The following SOCS5 variants were observed in gnomAD, a reference collection of about 807,000 sequenced individuals.
SOCS5 encodes CIS-6.
In SOCS5, 32 loss-of-function variants were observed where a neutral mutation model predicts 42.8. That is an observed-to-expected ratio of 0.75 (90% CI 0.56 to 1.01). The LOEUF is 1.01. Among genes scored for constraint, SOCS5 ranks in the 50% least tolerant of loss-of-function variants. The probability of loss-of-function intolerance (pLI) is 0.00; values close to 1 mark genes in which losing one functional copy is unlikely to be tolerated. For synonymous variants in SOCS5, 283 were observed against 229.6 expected (o/e 1.23, Z -2.10); for missense variants, 627 against 653.0 (o/e 0.96, Z 0.43).
chr2:46,741,151 A>G (rs1310889121), intron 1 of SOCS5, among the ~76,000 whole-genome samples: 1 of 152,182 alleles, frequency 6.6e-6, no homozygotes, highest in African/African-American at 2.4e-5. Context: ...AGTTTTTAAA[A>G]TATTTCATTA....
intron 1 of SOCS5, among the ~76,000 whole-genome samples, chr2:46,711,736 AT>A (rs1189387226): frequency 7.2e-5 from 11 of 152,122 alleles, no homozygotes; most frequent in Non-Finnish European, 1.2e-4. Flanking sequence ...CAGATGCTTT[AT>A]GGTGATAATT....
intron 1 of SOCS5, among the ~76,000 whole-genome samples, chr2:46,723,117 C>T (rs751725658): frequency 1.3e-5 from 2 of 152,084 alleles, no homozygotes; most frequent in Non-Finnish European, 1.5e-5. Context: ...GCTTTTCATA[C>T]TCTTCACATT....
intron 1 of SOCS5, among the ~76,000 whole-genome samples, chr2:46,720,896 C>T (rs7566758): frequency 0.047 from 7,183 of 152,200 alleles, 612 homozygotes; most frequent in African/African-American, 0.16. Context: ...TTCTTTCACA[C>T]GGTTCTGAGA....
Position 46,758,514 on chromosome 2 carries a change from T to G in SOCS5, c.-12-5T>G. The G allele has an allele frequency of 1.9e-6, 3 of 1,564,604 alleles. No individual in the cohort carries two copies. The highest frequency in any genetic ancestry group is 2.6e-6 in the Non-Finnish European group (3 of 1,156,316). ...ATTTTTCTCTTTTTGCTGTTTTGTC[T>G]TTAGATTTTATAATCAATGGATAAA... is the stretch of plus-strand genomic sequence containing the variant. On this transcript the variant is annotated splice_polypyrimidine_tract_variant and splice_region_variant and intron_variant, in intron 1 of 1. Coordinates refer to ENST00000394861, the MANE Select transcript of SOCS5 (RefSeq NM_144949.3).
intron 1 of SOCS5, among the ~76,000 whole-genome samples, chr2:46,731,647 C>T (rs1168856765): frequency 1.3e-5 from 2 of 152,154 alleles, no homozygotes; most frequent in Non-Finnish European, 2.9e-5. Flanking sequence ...GTTGTTGGTA[C>T]ATATACCACA....
chr2:46,750,833 T>C (rs561441984), intron 1 of SOCS5, among the ~76,000 whole-genome samples: 1 of 152,288 alleles, frequency 6.6e-6, no homozygotes, highest in East Asian at 1.9e-4. Flanking sequence ...CTTTTGAGTA[T>C]GCATGTGCTA....
intron 1 of SOCS5, among the ~76,000 whole-genome samples, chr2:46,736,281 G>A (rs1039122864): frequency 2.0e-5 from 3 of 152,056 alleles, no homozygotes; most frequent in Non-Finnish European, 4.4e-5. Context: ...GGGCCCAAGC[G>A]ATCCTCCTGC....
intron 1 of SOCS5, among the ~76,000 whole-genome samples, chr2:46,757,494 C>G (rs1369499041): frequency 6.6e-6 from 1 of 152,082 alleles, no homozygotes; most frequent in Non-Finnish European, 1.5e-5. Flanking sequence ...TTTGCGAGTA[C>G]TACAGTATCA....
intron 1 of SOCS5, among the ~76,000 whole-genome samples, chr2:46,723,869 C>G (rs1037395186): frequency 6.6e-6 from 1 of 152,024 alleles, no homozygotes; most frequent in Non-Finnish European, 1.5e-5. Context: ...GAATTGACAT[C>G]TTTACTGTGT....
chr2:46,746,777 T>G (rs1308829916), intron 1 of SOCS5, among the ~76,000 whole-genome samples: 1 of 152,064 alleles, frequency 6.6e-6, no homozygotes. Flanking sequence ...CTTTGTGTGT[T>G]GATCTTGTAT....
chr2:46,735,333 A>G (rs1462208813), intron 1 of SOCS5, among the ~76,000 whole-genome samples: 1 of 152,198 alleles, frequency 6.6e-6, no homozygotes, highest in East Asian at 1.9e-4. Context: ...GACAAAGGGC[A>G]TACACCAGCT....
rs547340009 is a variant in SOCS5 at position 46,699,691 on chromosome 2, T to G, written c.-13+242T>G. Among the ~76,000 whole-genome samples, 2 of 152,128 alleles carry G rather than the reference T, an allele frequency of 1.3e-5. No homozygotes were observed. The highest frequency in any genetic ancestry group is 2.9e-5 in the Non-Finnish European group (2 of 68,018). On this transcript the variant is annotated intron_variant, in intron 1 of 1. Transcript: ENST00000394861. This position sits in a 1 kb window ranked among gnomAD's most constrained non-coding sequence, Gnocchi z 4.8. ...CGCCGCTCACAGTGGGAGCTTGCGCTTAGTAGGCTCTCGATGCATTTCTGT... is the reference window on the plus strand; with the variant it reads ...CGCCGCTCACAGTGGGAGCTTGCGCGTAGTAGGCTCTCGATGCATTTCTGT...
At chr2:46,707,935 C>A (rs1305008875) in intron 1 of SOCS5, among the ~76,000 whole-genome samples, 1 of 152,174 alleles carries the variant, frequency 6.6e-6, no homozygotes, top group Non-Finnish European at 1.5e-5. Context: ...TGGGCAAAAT[C>A]ATCTAACACG....
chr2:46,709,127 GC>G (rs1281902998), intron 1 of SOCS5, among the ~76,000 whole-genome samples: 1 of 152,008 alleles, frequency 6.6e-6, no homozygotes, highest in Non-Finnish European at 1.5e-5. Context: ...CTCGCGATCC[GC>G]CCGCCTTGGC....
At chr2:46,756,803 TG>T (rs1025747237) in intron 1 of SOCS5, among the ~76,000 whole-genome samples, 2 of 152,168 alleles carry the variant, frequency 1.3e-5, no homozygotes, top group Middle Eastern at 6.8e-3. Context: ...AACAGGACTA[TG>T]GGCAAGGAAC....
intron 1 of SOCS5, among the ~76,000 whole-genome samples, chr2:46,704,855 C>A (rs1311664896): frequency 3.3e-5 from 5 of 152,156 alleles, no homozygotes; most frequent in African/African-American, 1.2e-4. Context: ...TAGGTAAGCA[C>A]TGTTTGGAGG....
chr2:46,739,970 A>G (rs1384266548), intron 1 of SOCS5, among the ~76,000 whole-genome samples: 1 of 152,256 alleles, frequency 6.6e-6, no homozygotes, highest in Non-Finnish European at 1.5e-5. Context: ...CAGAGAACTA[A>G]GGTATTAACG....
chr2:46,705,079 T>A (rs1013697913), intron 1 of SOCS5, among the ~76,000 whole-genome samples: 1 of 152,242 alleles, frequency 6.6e-6, no homozygotes, highest in African/African-American at 2.4e-5. Context: ...TCACTATTTC[T>A]GACTGTTTAT....
Position 46,725,295 on chromosome 2 carries a change from C to G in SOCS5, c.-13+25846C>G, listed in dbSNP as rs146784346. 3.1e-3 allele frequency among the ~76,000 whole-genome samples: 466 copies of G among 152,048 alleles called. 4 individuals carry two copies. The highest frequency in any genetic ancestry group is 0.011 in the African/African-American group (445 of 41,516). ...TCTTGTAGGTGGCATACAATTGGGT[C>G]ATCCTTTTCAAAAAAATCTAATAAT... is the stretch of plus-strand genomic sequence containing the variant. On this transcript the variant is annotated intron_variant, in intron 1 of 1. Transcript: ENST00000394861.
Sources: gnomAD v4.1 joint callset for allele counts (sites outside exome capture counted in the v4.1 genomes callset) on GRCh38, gnomAD v4.1.1 for gene constraint, Gnocchi (gnomAD v3.1) non-coding constraint, MANE v1.5 for transcripts, NCBI Gene and HGNC (gene_info 2026-07-23, HGNC 2026-07-21) for gene names.